PTPRD: variants seen among roughly 807,000 people sequenced by gnomAD.
PTPRD encodes the protein protein tyrosine phosphatase receptor type D.
A neutral mutation model predicts 214.5 loss-of-function variants in PTPRD; 34 were observed. That is an observed-to-expected ratio of 0.16 (90% CI 0.12 to 0.21). PTPRD has a LOEUF of 0.21. PTPRD is among the 10% of genes least tolerant of loss of function. The pLI, the probability that PTPRD is intolerant of heterozygous loss-of-function variation, is 1.00. For synonymous variants in PTPRD, 1,128 were observed against 845.7 expected, an observed-to-expected ratio of 1.33 and a Z score of -5.79; for missense variants, 2,545 against 2,398.7, an observed-to-expected ratio of 1.06 and a Z score of -1.27.
At chr9:9,100,667 T>C (rs886889723) in intron 10 of PTPRD, among the ~76,000 whole-genome samples, 3 of 152,154 alleles carry the variant, frequency 2.0e-5, no homozygotes, top group East Asian at 3.9e-4. Context: ...GTAAAAGTCC[T>C]GAGAAAACAG....
At chr9:8,447,490 G>A (rs76669704) in intron 34 of PTPRD, among the ~76,000 whole-genome samples, 4,525 of 152,200 alleles carry the variant, frequency 0.03, 97 homozygotes, top group Non-Finnish European at 0.046. Context: ...ATTGCTAATA[G>A]AATTCTTGAG....
chr9:9,271,084 GCTA>G (rs1411414842), intron 9 of PTPRD, among the ~76,000 whole-genome samples: 1 of 151,130 alleles, frequency 6.6e-6, no homozygotes, highest in Non-Finnish European at 1.5e-5. Context: ...GACCGATTGG[GCTA>G]CTAAGATATG....
rs137917106 is a variant in PTPRD at position 8,575,609 on chromosome 9, G to A, written c.353-46830C>T. ...ACGTGGCTGCAGAAGAGATATATTC[G>A]TTTATTTGGTAAGCAACAATGAAGT... On this transcript the variant is annotated intron_variant, in intron 14 of 45. Transcript: ENST00000381196. Among the ~76,000 whole-genome samples the A allele has an allele frequency of 4.6e-4, 70 of 152,110 alleles. No homozygotes were observed. The East Asian group carries it at 9.1e-3, about 20-fold the overall frequency.
At chr9:8,557,805 CACATAT>C (rs1449671877) in intron 14 of PTPRD, among the ~76,000 whole-genome samples, 30 of 138,350 alleles carry the variant, frequency 2.2e-4, no homozygotes, top group African/African-American at 7.8e-4. Flanking sequence ...CACACACACA[CACATAT>C]ATACACACAC....
intron 7 of PTPRD, among the ~76,000 whole-genome samples, chr9:9,733,110 C>T (rs1177208066): frequency 6.6e-6 from 1 of 152,086 alleles, no homozygotes; most frequent in South Asian, 2.1e-4. Flanking sequence ...AAACTAGTCT[C>T]GCAATAAACA....
chr9:8,335,669 C>G (rs149786237), intron 43 of PTPRD, among the ~76,000 whole-genome samples: 5 of 151,942 alleles, frequency 3.3e-5, no homozygotes, highest in African/African-American at 1.2e-4. Flanking sequence ...AAAGAAGTAA[C>G]GGGTATTCAA....
intron 8 of PTPRD, among the ~76,000 whole-genome samples, chr9:9,475,610 G>T (rs2094966340): frequency 6.6e-6 from 1 of 152,102 alleles, no homozygotes; most frequent in Non-Finnish European, 1.5e-5. Flanking sequence ...TTGGATTCAT[G>T]CTCAGACAGT....
intron 10 of PTPRD, among the ~76,000 whole-genome samples, chr9:9,150,426 ATATAT>A (rs1449839706): frequency 6.8e-6 from 1 of 147,398 alleles, no homozygotes; most frequent in African/African-American, 2.5e-5. Flanking sequence ...AAAATACATA[ATATAT>A]TATATATAAT....
chr9:9,846,713 A>G (rs2059598896), intron 5 of PTPRD, among the ~76,000 whole-genome samples: 1 of 152,116 alleles, frequency 6.6e-6, no homozygotes, highest in Non-Finnish European at 1.5e-5. Context: ...AACACCAACT[A>G]AACCAAATGA....
chr9:8,624,197 T>G (rs1466847465), intron 14 of PTPRD, among the ~76,000 whole-genome samples: 1 of 151,862 alleles, frequency 6.6e-6, no homozygotes, highest in African/African-American at 2.4e-5. Context: ...AACGTAACAA[T>G]AAGCACAAAT....
At chr9:10,545,309 C>T (rs1161778424) in intron 2 of PTPRD, among the ~76,000 whole-genome samples, 1 of 152,092 alleles carries the variant, frequency 6.6e-6, no homozygotes, top group African/African-American at 2.4e-5. Context: ...TATTCATAGC[C>T]TACCATGAAG....
At chr9:8,418,116 A>G (rs1395438814) in intron 35 of PTPRD, among the ~76,000 whole-genome samples, 3 of 152,162 alleles carry the variant, frequency 2.0e-5, no homozygotes, top group Admixed American at 2.0e-4. Context: ...GAATAATTTT[A>G]AATTCCAGCC....
chr9:9,290,520 T>C (rs1950821297), intron 9 of PTPRD, among the ~76,000 whole-genome samples: 2 of 151,690 alleles, frequency 1.3e-5, no homozygotes, highest in East Asian at 3.9e-4. Context: ...CCTATTTTCT[T>C]CTAGGAGTTT....
At chr9:8,595,022 C>A (rs1411438774) in intron 14 of PTPRD, among the ~76,000 whole-genome samples, 1 of 151,532 alleles carries the variant, frequency 6.6e-6, no homozygotes, top group Non-Finnish European at 1.5e-5. Flanking sequence ...ACCATCATGC[C>A]CAGCTAATTT....
intron 11 of PTPRD, among the ~76,000 whole-genome samples, chr9:8,977,459 T>C (rs2154337733): frequency 6.6e-6 from 1 of 152,264 alleles, no homozygotes; most frequent in Non-Finnish European, 1.5e-5. Context: ...TCATTTAAAC[T>C]AAATTATTGG....
At chr9:9,629,476 G>A (rs2095523773) in intron 7 of PTPRD, among the ~76,000 whole-genome samples, 1 of 151,990 alleles carries the variant, frequency 6.6e-6, no homozygotes, top group African/African-American at 2.4e-5. Flanking sequence ...TATGTAACAG[G>A]ATGCTGATTG....
rs72694799 is a variant in PTPRD at position 8,541,876 on chromosome 9, C to G, written c.353-13097G>C. ...GATAGAAATTTATTCACTATGCTTT[C>G]AAATATCAAAAATATTAAGAAGCTA... On this transcript the variant is annotated intron_variant, in intron 14 of 45. Transcript: ENST00000381196. Among the ~76,000 whole-genome samples the G allele has an allele frequency of 3.5e-3, 537 of 152,206 alleles. 1 individual carries two copies. The highest frequency in any genetic ancestry group is 4.6e-3 in the African/African-American group (193 of 41,526).
chr9:9,203,981 T>C (rs1449760665), intron 9 of PTPRD, among the ~76,000 whole-genome samples: 1 of 152,172 alleles, frequency 6.6e-6, no homozygotes, highest in African/African-American at 2.4e-5. Flanking sequence ...ATAGGCACAA[T>C]ATATCTCTGA....
In PTPRD at chr9:9,657,253, C is replaced by T. The variant is rs192291849; in HGVS notation, c.-287+77280G>A. Among the ~76,000 whole-genome samples the T allele has an allele frequency of 4.6e-5, 7 of 151,802 alleles. 1 individual carries two copies. The highest frequency in any genetic ancestry group is 1.7e-4 in the African/African-American group (7 of 41,436). On this transcript the variant is annotated intron_variant, in intron 7 of 45. Coordinates refer to ENST00000381196, the MANE Select transcript of PTPRD (RefSeq NM_002839.4). ...ACAAATTATCTATGGTTTCAAGATA[C>T]ACCGTGAAATACTATGCAGCCATAA...
Sources: gnomAD v4.1 joint callset for allele counts (sites outside exome capture counted in the v4.1 genomes callset) on GRCh38, gnomAD v4.1.1 for gene constraint, MANE v1.5 for transcripts, NCBI Gene and HGNC (gene_info 2026-07-23, HGNC 2026-07-21) for gene names.